MARCHF10: variants seen among roughly 807,000 people sequenced by gnomAD.
MARCHF10 encodes the protein membrane associated ring-CH-type finger 10, also known as probable E3 ubiquitin-protein ligase MARCHF10.
A neutral mutation model predicts 76.2 loss-of-function variants in MARCHF10; 64 were observed. The observed-to-expected ratio is 0.84, with a 90% CI of 0.69 to 1.03. The LOEUF is 1.03. Ranked by LOEUF, MARCHF10 falls within the 50% of genes least tolerant of loss-of-function variation. The pLI, the probability that MARCHF10 is intolerant of heterozygous loss-of-function variation, is 0.00. For synonymous variants in MARCHF10, 340 were observed against 357.5 expected, an observed-to-expected ratio of 0.95 and a Z score of 0.55; for missense variants, 875 against 958.0, an observed-to-expected ratio of 0.91 and a Z score of 1.14.
At chr17:62,744,298 C>G (rs959057238) in intron 5 of MARCHF10, 78 bp downstream of exon 5, 1 of 1,469,156 alleles carries the variant, frequency 6.8e-7, no homozygotes, top group African/African-American at 1.4e-5. Flanking sequence ...ATCTAAAAAC[C>G]ATAAAGAATT....
chr17:62,743,062 A>G (rs984294411), intron 5 of MARCHF10, among the ~76,000 whole-genome samples: 4 of 152,174 alleles, frequency 2.6e-5, no homozygotes, highest in African/African-American at 9.7e-5. Context: ...TATTTTACTT[A>G]GTTATTATAA....
At chr17:62,782,108 A>G (rs1325306068) in intron 3 of MARCHF10, among the ~76,000 whole-genome samples, 1 of 152,050 alleles carries the variant, frequency 6.6e-6, no homozygotes, top group African/African-American at 2.4e-5. Context: ...TGATTGACGG[A>G]GAATCTTTTG....
intron 5 of MARCHF10, among the ~76,000 whole-genome samples, chr17:62,743,828 G>A (rs1315300006): frequency 3.9e-5 from 6 of 152,136 alleles, no homozygotes; most frequent in South Asian, 2.1e-4. Flanking sequence ...GCATAGATTC[G>A]TTCCAATATT....
intron 6 of MARCHF10, among the ~76,000 whole-genome samples, chr17:62,731,272 G>GT (rs1177869348): frequency 5.3e-5 from 8 of 151,670 alleles, no homozygotes; most frequent in Non-Finnish European, 1.2e-4. Context: ...ATTACTTTTT[G>GT]TTTTTTTTGA....
intron 8 of MARCHF10, among the ~76,000 whole-genome samples, chr17:62,716,071 T>G (rs1044310889): frequency 3.3e-5 from 5 of 152,180 alleles, no homozygotes; most frequent in African/African-American, 1.2e-4. Context: ...TTCCTTCCGC[T>G]GTTAAACATC....
intron 3 of MARCHF10, among the ~76,000 whole-genome samples, chr17:62,780,395 T>C (rs745869638): frequency 5.9e-5 from 9 of 152,222 alleles, no homozygotes; most frequent in Non-Finnish European, 1.2e-4. Context: ...TGGATTCTTA[T>C]GAACAAAACA....
intron 4 of MARCHF10, among the ~76,000 whole-genome samples, chr17:62,754,703 C>G (rs1186441469): frequency 6.6e-6 from 1 of 152,038 alleles, no homozygotes; most frequent in Non-Finnish European, 1.5e-5. Context: ...CCGAGCCCCC[C>G]TGTCTTGAGA....
intron 2 of MARCHF10, among the ~76,000 whole-genome samples, chr17:62,791,501 G>A (rs1352542311): frequency 1.3e-5 from 2 of 152,198 alleles, no homozygotes; most frequent in African/African-American, 2.4e-5. Flanking sequence ...TACCAAAAGG[G>A]GAGGAAGAAT....
At chr17:62,715,903 G>C (rs1477441803) in intron 8 of MARCHF10, among the ~76,000 whole-genome samples, 1 of 152,204 alleles carries the variant, frequency 6.6e-6, no homozygotes, top group Non-Finnish European at 1.5e-5. Flanking sequence ...AACGTGCTCT[G>C]ACGGGAGCCC....
At chr17:62,734,195 A>T (rs1008556381) in intron 6 of MARCHF10, among the ~76,000 whole-genome samples, 4 of 152,142 alleles carry the variant, frequency 2.6e-5, no homozygotes, top group African/African-American at 9.7e-5. Context: ...AAAAAAAAAC[A>T]AAAAACATAT....
intron 1 of MARCHF10, among the ~76,000 whole-genome samples, chr17:62,802,166 T>C (rs1379046118): frequency 2.6e-5 from 4 of 152,222 alleles, no homozygotes; most frequent in Non-Finnish European, 5.9e-5. Flanking sequence ...CCAGGGACTG[T>C]GCTGGACACT....
Position 62,741,861 on chromosome 17 carries a change from A to AT in MARCHF10, c.535+2514dup, listed in dbSNP as rs1044487865. On this transcript the variant is annotated intron_variant, in intron 5 of 10. Transcript: ENST00000311269. ...AGGTGCCCGCCACCACGCCTGGCTA[A>AT]TTTTTTTTTTGTATTTTTAGTAGAG... Among the ~76,000 whole-genome samples, 121 of 147,492 alleles carry AT rather than the reference A, an allele frequency of 8.2e-4. 1 individual carries two copies. The highest frequency in any genetic ancestry group is 3.5e-3 in the Middle Eastern group (1 of 284).
intron 9 of MARCHF10, among the ~76,000 whole-genome samples, chr17:62,710,766 G>A (rs946543509): frequency 3.6e-4 from 54 of 151,854 alleles, no homozygotes; most frequent in African/African-American, 6.5e-4. Context: ...TCACCATGTT[G>A]GCCAGGTTGG....
At chr17:62,771,614 T>C (rs1367678355) in intron 3 of MARCHF10, among the ~76,000 whole-genome samples, 1 of 149,852 alleles carries the variant, frequency 6.7e-6, no homozygotes. Context: ...TCTCACTCTG[T>C]TGCCCAGGCT....
chr17:62,782,741 GA>G (rs1306622220), intron 3 of MARCHF10, among the ~76,000 whole-genome samples: 1 of 152,108 alleles, frequency 6.6e-6, no homozygotes, highest in African/African-American at 2.4e-5. Context: ...AGATTTCTTG[GA>G]TCTGGCTTGA....
At position 62,737,101 on chromosome 17, in the gene MARCHF10, A is replaced by C. The variant is rs2091304550; in HGVS notation, c.767T>G (p.Leu256Arg). 6.2e-7 allele frequency: 1 copy of C among 1,613,904 alleles called. No individual in the cohort carries two copies. ...TGGCCCTCCTACAGTGGTGGGTGTG[A>C]GTGGTGGCCCCGAGAACTCACTCAA... The part of the protein sequence containing the change: ...QVLSEFSGPP[L>R]TPTTVGGPRK... Residue 256 changes from leucine (L) to arginine (R), a missense_variant, in exon 6 of 11, where the codon CTC (leucine) becomes CGC (arginine). Physicochemically the swap from Leu to Arg is moderately radical, Grantham distance 102 (BLOSUM62 -2). Transcript: ENST00000311269.
rs56688878 is a variant in MARCHF10 at position 62,720,860 on chromosome 17, A to ATTTT, written c.2214+1624_2214+1627dup. ...GGAGTCTCTGCTCCGGTAAGTTGTGATTTTTTTTTTTTTTTTTTTTTTTTT... is the reference window on the plus strand; with the variant it reads ...GGAGTCTCTGCTCCGGTAAGTTGTGATTTTTTTTTTTTTTTTTTTTTTTTTTTTT... On this transcript the variant is annotated intron_variant, in intron 8 of 10. Coordinates refer to ENST00000311269, the MANE Select transcript of MARCHF10 (RefSeq NM_152598.4). 7.9e-3 allele frequency among the ~76,000 whole-genome samples: 694 copies of ATTTT among 88,020 alleles called. 44 individuals are homozygous for ATTTT. Among genetic ancestry groups the ATTTT allele is most frequent in the African/African-American group, 0.028 (623 of 22,380 alleles). The allele number at this position is 88,020 out of a possible 152,430, so 57.7% of individuals were successfully genotyped here. A position where few individuals can be genotyped will look rare whatever the true frequency, so the allele number is the denominator to read the frequency against.
chr17:62,738,592 C>G lies in MARCHF10; in HGVS notation c.536-1260G>C, dbSNP rs1303152914. Among the ~76,000 whole-genome samples the G allele has an allele frequency of 6.6e-6, 1 of 152,170 alleles. No individual in the cohort carries two copies. Among genetic ancestry groups the G allele is most frequent in the Non-Finnish European group, 1.5e-5 (1 of 68,044 alleles). ...GGCCCTGGAAGGTCTGTGTTGATAA[C>G]AGCTCGGGCTGGTGAAATGCAAATC... On this transcript the variant is annotated intron_variant, in intron 5 of 10. Transcript: ENST00000311269. This position sits in a 1 kb window ranked among gnomAD's most constrained non-coding sequence, Gnocchi z 4.0.
At chr17:62,732,992 C>CAAAAAAAAAAAAAAAAAAAAAAAAACAA (rs398041783) in intron 6 of MARCHF10, among the ~76,000 whole-genome samples, 1 of 66,550 alleles carries the variant, frequency 1.5e-5, no homozygotes. Context: ...GACTCAGTCT[C>CAAAAAAAAAAAAAAAAAAAAAAAAACAA]AAAAAAAAAA....
Sources: gnomAD v4.1 joint callset for allele counts (sites outside exome capture counted in the v4.1 genomes callset) on GRCh38, gnomAD v4.1.1 for gene constraint, Gnocchi (gnomAD v3.1) non-coding constraint, MANE v1.5 for transcripts, NCBI Gene and HGNC (gene_info 2026-07-23, HGNC 2026-07-21) for gene names.